Variants in LIN28B observed in about 807,000 individuals in gnomAD.
The protein encoded by LIN28B is lin-28 RNA binding posttranscriptional regulator B.
LIN28B carries 5 observed loss-of-function variants against 21.9 expected under a neutral mutation model. The observed-to-expected ratio is 0.23, with a 90% CI of 0.12 to 0.48. LIN28B has a LOEUF of 0.48. Ranked by LOEUF, LIN28B falls within the 20% of genes least tolerant of loss-of-function variation. The pLI is 0.98. For missense variants in LIN28B, 245 were observed against 310.5 expected, an observed-to-expected ratio of 0.79 and a Z score of 1.58; for synonymous variants, 109 against 111.3, an observed-to-expected ratio of 0.98 and a Z score of 0.13.
intron 3 of LIN28B, among the ~76,000 whole-genome samples, chr6:105,050,860 AT>A (rs1434434334): frequency 6.6e-6 from 1 of 151,308 alleles, no homozygotes; most frequent in East Asian, 1.9e-4. Context: ...ACTTGGTTTT[AT>A]TAGGAAGTTC....
intron 2 of LIN28B, among the ~76,000 whole-genome samples, chr6:104,993,051 A>G (rs1291773222): frequency 6.6e-6 from 1 of 152,080 alleles, no homozygotes; most frequent in Non-Finnish European, 1.5e-5. Context: ...ATTTTGTTTC[A>G]GAATTATTTT....
rs75621335 is a variant in LIN28B, at chr6:105,032,809, A to T, written c.383+6327A>T. ...ATTTTCATTTCCTTAATAGCTACTG[A>T]TATTAAGCAACTTTATATGTATTTT... On this transcript the variant is annotated intron_variant, in intron 3 of 3. Coordinates refer to ENST00000345080, the MANE Select transcript of LIN28B (RefSeq NM_001004317.4). 2.7e-3 allele frequency among the ~76,000 whole-genome samples: 411 copies of T among 152,170 alleles called. 6 individuals are homozygous for T. Among genetic ancestry groups the T allele is most frequent in the East Asian group, 0.024 (126 of 5,182 alleles).
chr6:105,050,611 A>C (rs1480410800), intron 3 of LIN28B, among the ~76,000 whole-genome samples: 1 of 142,500 alleles, frequency 7.0e-6, no homozygotes, highest in Non-Finnish European at 1.5e-5. Flanking sequence ...TCCGTCTCAA[A>C]AAAAAAAAAA....
chr6:104,980,584 G>A (rs116915136), intron 2 of LIN28B, among the ~76,000 whole-genome samples: 4 of 152,100 alleles, frequency 2.6e-5, no homozygotes, highest in African/African-American at 7.2e-5. Context: ...AGGGTCTGTC[G>A]TGTGTTACAG....
chr6:105,008,834 C>T (rs1352960372), intron 2 of LIN28B, among the ~76,000 whole-genome samples: 1 of 151,964 alleles, frequency 6.6e-6, no homozygotes, highest in Non-Finnish European at 1.5e-5. Context: ...TTTAAATGTC[C>T]TGATTTTGGT....
At chr6:104,993,245 A>T (rs931105444) in intron 2 of LIN28B, among the ~76,000 whole-genome samples, 3 of 152,090 alleles carry the variant, frequency 2.0e-5, no homozygotes, top group African/African-American at 7.2e-5. Context: ...AGGTGGGAGG[A>T]TCACATGAGG....
chr6:104,953,730 T>A (rs1267754114), upstream of LIN28B, among the ~76,000 whole-genome samples: 2 of 151,992 alleles, frequency 1.3e-5, no homozygotes, highest in Non-Finnish European at 2.9e-5. Context: ...CTCGGCCGCC[T>A]GGGGAGCGAC....
chr6:104,986,550 G>GT (rs756554699), intron 2 of LIN28B, among the ~76,000 whole-genome samples: 1 of 123,620 alleles, frequency 8.1e-6, no homozygotes, highest in Non-Finnish European at 1.7e-5. Flanking sequence ...AAAAAAAAAA[G>GT]TCTCTGTGGG....
chr6:105,031,680 C>G lies in LIN28B; in HGVS notation c.383+5198C>G, dbSNP rs544062234. 7.4e-4 allele frequency among the ~76,000 whole-genome samples: 113 copies of G among 152,036 alleles called. 1 individual carries two copies. In the Middle Eastern group the frequency reaches 0.014, roughly 18 times the overall value. ...TCCCGAGTAGCCGGGACCACAGGCA[C>G]CCACCACCACACGTCGCTAATTTTT... is the stretch of plus-strand genomic sequence containing the variant. On this transcript the variant is annotated intron_variant, in intron 3 of 3. Transcript: ENST00000345080.
At chr6:104,963,471 C>T (rs1170978737) in intron 2 of LIN28B, among the ~76,000 whole-genome samples, 1 of 152,198 alleles carries the variant, frequency 6.6e-6, no homozygotes, top group Non-Finnish European at 1.5e-5. Context: ...CAAAGACATT[C>T]TGATTCAATT....
intron 2 of LIN28B, among the ~76,000 whole-genome samples, chr6:104,943,940 C>G (rs1316261413): frequency 6.6e-6 from 1 of 152,100 alleles, no homozygotes; most frequent in African/African-American, 2.4e-5. Flanking sequence ...TACTTGTATA[C>G]ATGTACATTA....
At chr6:104,975,080 A>G (rs1770060136) in intron 2 of LIN28B, among the ~76,000 whole-genome samples, 1 of 152,138 alleles carries the variant, frequency 6.6e-6, no homozygotes, top group Non-Finnish European at 1.5e-5. Flanking sequence ...TCGGCCTCCC[A>G]AAGTGCTGAG....
chr6:105,007,685 T>C (rs975042706), intron 2 of LIN28B, among the ~76,000 whole-genome samples: 8 of 152,088 alleles, frequency 5.3e-5, no homozygotes, highest in African/African-American at 1.9e-4. Context: ...CCACCACACC[T>C]GGCAAATTTT....
At position 104,994,763 on chromosome 6, in the gene LIN28B, G is replaced by A. The variant is rs533065474; in HGVS notation, c.199-31535G>A. ...AAGTGTGGGCAAAGGATGAGAGGAC[G>A]GTGTGAGACAGTTGGTTGAAGAGGT... On this transcript the variant is annotated intron_variant, in intron 2 of 3. Coordinates refer to ENST00000345080, the MANE Select transcript of LIN28B (RefSeq NM_001004317.4). Among the ~76,000 whole-genome samples the A allele has an allele frequency of 1.8e-4, 28 of 152,292 alleles. 1 individual carries two copies. Among genetic ancestry groups the A allele is most frequent in the Admixed American group, 1.6e-3 (25 of 15,290 alleles).
intron 2 of LIN28B, among the ~76,000 whole-genome samples, chr6:104,949,270 G>A (rs983051036): frequency 1.3e-5 from 2 of 152,136 alleles, no homozygotes; most frequent in Non-Finnish European, 2.9e-5. Context: ...GTAAAGGAAA[G>A]CTCTGTTTCA....
chr6:105,015,234 T>C (rs1188335072), intron 2 of LIN28B, among the ~76,000 whole-genome samples: 1 of 152,192 alleles, frequency 6.6e-6, no homozygotes, highest in African/African-American at 2.4e-5. Flanking sequence ...ACATTTATGA[T>C]TGTTATGCCT....
intron 2 of LIN28B, among the ~76,000 whole-genome samples, chr6:104,991,172 G>A (rs1219711645): frequency 2.0e-5 from 3 of 150,908 alleles, no homozygotes; most frequent in Admixed American, 6.6e-5. Flanking sequence ...CGGACAGGGC[G>A]GCGGCCAGGC....
chr6:104,984,384 G>A (rs987321746), intron 2 of LIN28B, among the ~76,000 whole-genome samples: 5 of 151,948 alleles, frequency 3.3e-5, no homozygotes, highest in Non-Finnish European at 7.4e-5. Flanking sequence ...TGCTTTTGTT[G>A]GCTTTACCTC....
intron 2 of LIN28B, among the ~76,000 whole-genome samples, chr6:104,938,050 C>CAAAAAAAAAAAAAA (rs10562331): frequency 5.4e-5 from 4 of 73,706 alleles, no homozygotes; most frequent in African/African-American, 2.5e-4. Context: ...CCTGTCTCTA[C>CAAAAAAAAAAAAAA]AAAAAAAAAA....
Sources: gnomAD v4.1 joint callset for allele counts (sites outside exome capture counted in the v4.1 genomes callset) on GRCh38, gnomAD v4.1.1 for gene constraint, MANE v1.5 for transcripts, NCBI Gene and HGNC (gene_info 2026-07-23, HGNC 2026-07-21) for gene names.